ATXN1: variants seen among roughly 807,000 people sequenced by gnomAD.
ATXN1 encodes the protein ataxin 1, also known as ataxin-1.
ATXN1 carries 8 observed loss-of-function variants against 56.4 expected under a neutral mutation model. That is an observed-to-expected ratio of 0.14 (90% confidence interval 0.08 to 0.26). ATXN1 has a LOEUF of 0.26. ATXN1 is among the 10% of genes least tolerant of loss of function. The pLI, the probability that ATXN1 is intolerant of heterozygous loss-of-function variation, is 1.00. For missense variants in ATXN1, 987 were observed against 1,106.5 expected (o/e 0.89, Z 1.53); for synonymous variants, 514 against 494.6 (o/e 1.04, Z -0.52).
intron 1 of ATXN1, among the ~76,000 whole-genome samples, chr6:16,759,537 T>TTTG (rs1760997086): frequency 7.0e-6 from 1 of 142,372 alleles, no homozygotes; most frequent in African/African-American, 2.6e-5. Context: ...ACTGTTTTTT[T>TTTG]TTTTTTTTTT....
At chr6:16,716,141 T>A (rs547176180) in intron 2 of ATXN1, among the ~76,000 whole-genome samples, 3 of 152,210 alleles carry the variant, frequency 2.0e-5, no homozygotes, top group Non-Finnish European at 4.4e-5. Context: ...TAAAATGACA[T>A]GCATCTCTGT....
Position 16,326,835 on chromosome 6 carries a change from G to A in ATXN1, c.1476C>T (p.Ile492=). ...LVIPGTQPLL[I]PVGSTDMEAS... ...CTTCCATGTCAGTGCTGCCGACCGGGATGAGCAGGGGCTGTGTGCCGGGGA... is the reference window on the plus strand; with the variant it reads ...CTTCCATGTCAGTGCTGCCGACCGGAATGAGCAGGGGCTGTGTGCCGGGGA... Residue 492 remains isoleucine, a synonymous_variant, in exon 7 of 8, where the codon ATC becomes ATT. Coordinates refer to ENST00000436367, the MANE Select transcript of ATXN1 (RefSeq NM_001128164.2). The surrounding 1 kb of genome is among the most constrained non-coding windows in gnomAD (Gnocchi z 6.6). 6.2e-7 allele frequency: 1 copy of A among 1,607,938 alleles called. No individual in the cohort carries two copies. The highest frequency in any genetic ancestry group is 8.5e-7 in the Non-Finnish European group (1 of 1,175,438).
chr6:16,661,717 C>T (rs1421234689), intron 2 of ATXN1, among the ~76,000 whole-genome samples: 1 of 152,204 alleles, frequency 6.6e-6, no homozygotes, highest in Non-Finnish European at 1.5e-5. Context: ...TTCTGGGTTA[C>T]TCACCTGGGG....
intron 6 of ATXN1, among the ~76,000 whole-genome samples, chr6:16,458,811 C>T (rs1045476538): frequency 2.6e-5 from 4 of 152,210 alleles, no homozygotes; most frequent in Admixed American, 1.3e-4. Flanking sequence ...GGGTACTGCC[C>T]CAGAGGACAA....
intron 2 of ATXN1, chr6:16,739,680 C>T (rs916008373): frequency 2.5e-5 from 10 of 397,966 alleles, no homozygotes; most frequent in Non-Finnish European, 2.6e-5. Flanking sequence ...CAAAAGCGGT[C>T]GGAAACAGAC....
intron 4 of ATXN1, among the ~76,000 whole-genome samples, chr6:16,574,890 G>T (rs1265695607): frequency 6.7e-6 from 1 of 148,282 alleles, no homozygotes; most frequent in African/African-American, 2.5e-5. Flanking sequence ...CTTAGTTTCT[G>T]CTAATCTGTG....
At chr6:16,715,916 A>G (rs1055910418) in intron 2 of ATXN1, among the ~76,000 whole-genome samples, 6 of 152,112 alleles carry the variant, frequency 3.9e-5, no homozygotes, top group African/African-American at 1.4e-4. Context: ...GCATTCCCAA[A>G]TTACTGGATA....
chr6:16,596,975 CCT>C (rs1762826339), intron 3 of ATXN1, among the ~76,000 whole-genome samples: 1 of 152,236 alleles, frequency 6.6e-6, no homozygotes, highest in African/African-American at 2.4e-5. Flanking sequence ...CTTCCTGCTC[CCT>C]GATTGGGTGT....
intron 4 of ATXN1, among the ~76,000 whole-genome samples, chr6:16,544,389 C>A (rs1001432497): frequency 6.6e-6 from 1 of 152,200 alleles, no homozygotes; most frequent in African/African-American, 2.4e-5. Flanking sequence ...AGGTCTTTAT[C>A]CGCAGGTCGG....
intron 4 of ATXN1, among the ~76,000 whole-genome samples, chr6:16,550,165 A>C (rs1328426580): frequency 1.3e-5 from 2 of 151,380 alleles, no homozygotes; most frequent in East Asian, 1.9e-4. Flanking sequence ...CAAAAAAAAA[A>C]AAAAAAAAAG....
chr6:16,546,177 G>A (rs1291550683), intron 4 of ATXN1, among the ~76,000 whole-genome samples: 2 of 152,172 alleles, frequency 1.3e-5, no homozygotes, highest in African/African-American at 4.8e-5. Context: ...TTCCAAACAT[G>A]TACCAAAGAC....
intron 6 of ATXN1, among the ~76,000 whole-genome samples, chr6:16,452,396 GC>G: frequency 1.3e-5 from 2 of 152,330 alleles, no homozygotes; most frequent in East Asian, 3.9e-4. Flanking sequence ...TTTGTTGATA[GC>G]ATAAGATTAA....
chr6:16,410,076 G>A lies in ATXN1; in HGVS notation c.-161+75896C>T, dbSNP rs189502840. ...CATGGAGAGCATGAGCTGAACGACC[G>A]TCGTGATAGGCTTGGCAGAGGATGA... is the stretch of plus-strand genomic sequence containing the variant. On this transcript the variant is annotated intron_variant, in intron 6 of 7. Transcript: ENST00000436367. This position sits in a 1 kb window ranked among gnomAD's most constrained non-coding sequence, Gnocchi z 4.6. 6.8e-4 allele frequency among the ~76,000 whole-genome samples: 103 copies of A among 152,322 alleles called. No homozygotes were observed. The highest frequency in any genetic ancestry group is 2.4e-3 in the African/African-American group (98 of 41,582).
intron 7 of ATXN1, among the ~76,000 whole-genome samples, chr6:16,317,183 T>C (rs1760532140): frequency 6.6e-6 from 1 of 152,124 alleles, no homozygotes; most frequent in African/African-American, 2.4e-5. Context: ...AATAAACTCA[T>C]GGGAGCAGTA....
chr6:16,371,779 A>G (rs1267956155), intron 6 of ATXN1, among the ~76,000 whole-genome samples: 1 of 151,494 alleles, frequency 6.6e-6, no homozygotes, highest in Non-Finnish European at 1.5e-5. Flanking sequence ...GGGTCTTGCT[A>G]TGGTACCTAG....
chr6:16,631,361 C>A (rs1467551392), intron 3 of ATXN1, among the ~76,000 whole-genome samples: 1 of 152,182 alleles, frequency 6.6e-6, no homozygotes. Flanking sequence ...GAAAGATGGA[C>A]ACTCCTGGAC....
intron 1 of ATXN1, 58 bp from the exon 2 acceptor site, chr6:16,753,405 G>T (rs2113536685): frequency 2.2e-5 from 10 of 451,982 alleles, no homozygotes; most frequent in South Asian, 1.4e-4. Flanking sequence ...AGAATAGACT[G>T]CTTTAAAAAA....
At chr6:16,528,803 G>A (rs552146891) in intron 4 of ATXN1, among the ~76,000 whole-genome samples, 2 of 152,204 alleles carry the variant, frequency 1.3e-5, no homozygotes, top group Admixed American at 6.5e-5. Flanking sequence ...TGGGTTTCAC[G>A]GTCAAAGAGA....
chr6:16,319,215 C>A (rs1292047188), intron 7 of ATXN1, among the ~76,000 whole-genome samples: 2 of 149,374 alleles, frequency 1.3e-5, no homozygotes, highest in Admixed American at 1.3e-4. Context: ...AAGACCCTAT[C>A]TCAAAAAAAA....
Sources: allele counts gnomAD v4.1 joint callset (sites outside exome capture counted in the v4.1 genomes callset), GRCh38; gene constraint gnomAD v4.1.1; non-coding constraint Gnocchi (gnomAD v3.1); transcripts MANE v1.5; gene names NCBI Gene and HGNC (gene_info 2026-07-23, HGNC 2026-07-21).